Variants in DDX6 observed in about 807,000 individuals in gnomAD.
DDX6 encodes the protein DEAD-box helicase 6.
A neutral mutation model predicts 60.6 loss-of-function variants in DDX6; 7 were observed. The observed-to-expected ratio is 0.12, with a 90% CI of 0.07 to 0.22. DDX6 has a LOEUF of 0.22. Ranked by LOEUF, DDX6 falls within the 10% of genes least tolerant of loss-of-function variation. The probability of loss-of-function intolerance (pLI) is 1.00; values close to 1 mark genes in which losing one functional copy is unlikely to be tolerated. For missense variants in DDX6, 270 were observed against 589.9 expected (o/e 0.46, Z 5.62); for synonymous variants, 207 against 201.0 (o/e 1.03, Z -0.25).
chr11:118,757,748 G>A (rs1186564843), intron 9 of DDX6, among the ~76,000 whole-genome samples: 2 of 152,008 alleles, frequency 1.3e-5, no homozygotes, highest in African/African-American at 4.8e-5. Context: ...CCACCACAAT[G>A]CCTGGCTAAC....
At chr11:118,775,223 C>T (rs376583797) in intron 4 of DDX6, among the ~76,000 whole-genome samples, 24 of 151,964 alleles carry the variant, frequency 1.6e-4, no homozygotes, top group African/African-American at 4.8e-4. Context: ...GGCCGAGGCA[C>T]GAGAATCGCT....
chr11:118,770,845 G>A lies in DDX6; in HGVS notation c.370-2493C>T, dbSNP rs897069400. 6.8e-5 allele frequency among the ~76,000 whole-genome samples: 10 copies of A among 147,890 alleles called. No homozygotes were observed. The Admixed American group carries it at 6.8e-4, about 10-fold the overall frequency. On this transcript the variant is annotated intron_variant, in intron 4 of 13. Coordinates refer to ENST00000534980, the MANE Select transcript of DDX6 (RefSeq NM_004397.6). ...TGCAGTGGGCCAAGATTGCGCCACT[G>A]CACTCCAGCCTGGGCAATGGAGCAA...
chr11:118,785,939 C>T (rs980145383), intron 2 of DDX6, 113 bp downstream of exon 2: 5 of 957,630 alleles, frequency 5.2e-6, no homozygotes, highest in African/African-American at 5.0e-5. Context: ...CATCTGTCCT[C>T]TATTTGGAAT....
chr11:118,773,362 G>A (rs1861598105), intron 4 of DDX6, among the ~76,000 whole-genome samples: 1 of 152,154 alleles, frequency 6.6e-6, no homozygotes, highest in Non-Finnish European at 1.5e-5. Context: ...GAGGTCAGGA[G>A]ATGGAGACCA....
Position 118,759,989 on chromosome 11 carries a change from G to A in DDX6, c.797C>T (p.Thr266Met), listed in dbSNP as rs781902489. Reference protein sequence around the residue: ...FVQIMEDIILTLPKNRQILLY... With the variant: ...FVQIMEDIILMLPKNRQILLY... Reference sequence around the variant, plus strand: ...TAAAATCTGCCTGTTTTTAGGTAGCGTGAGAATAATATCCTCCATTATCTG... The same window carrying A: ...TAAAATCTGCCTGTTTTTAGGTAGCATGAGAATAATATCCTCCATTATCTG... Residue 266 changes from threonine (T) to methionine (M), a missense_variant, in exon 8 of 14, where the codon ACG becomes ATG. By Grantham distance (81) the Thr-to-Met change is moderately conservative. This residue lies in a region of DDX6 where 69 missense variants were observed against 208.2 expected (regional missense o/e 0.33). Coordinates refer to ENST00000534980, the MANE Select transcript of DDX6 (RefSeq NM_004397.6). 1.2e-5 allele frequency: 20 copies of A among 1,613,430 alleles called. No individual in the cohort carries two copies. The highest frequency in any genetic ancestry group is 4.5e-5 in the East Asian group (2 of 44,840).
intron 5 of DDX6, 61 bp from the exon 6 acceptor site, chr11:118,765,416 C>T: frequency 1.9e-6 from 3 of 1,549,370 alleles, no homozygotes; most frequent in South Asian, 2.2e-5. Context: ...ACATGCTATA[C>T]ATCATTATTT....
Position 118,765,258 on chromosome 11 carries a change from G to T in DDX6, c.597C>A (p.Thr199=). 2 of 1,612,866 alleles carry T rather than the reference G, an allele frequency of 1.2e-6. No individual in the cohort carries two copies. Among genetic ancestry groups the T allele is most frequent in the Non-Finnish European group, 1.7e-6 (2 of 1,179,864 alleles). Residue 199 remains threonine, a synonymous_variant, in exon 6 of 14, where the codon ACC becomes ACA. Coordinates refer to ENST00000534980, the MANE Select transcript of DDX6 (RefSeq NM_004397.6). ...KHMGGAKVMA[T]TGGTNLRDDI... ...CATCTCGTAAATTGGTTCCTCCTGT[G>T]GTTGCCATCACTTTGGCCCCTCCCA... is the stretch of plus-strand genomic sequence containing the variant.
At chr11:118,781,436 T>C (rs549778031) in intron 2 of DDX6, among the ~76,000 whole-genome samples, 7 of 152,240 alleles carry the variant, frequency 4.6e-5, no homozygotes, top group African/African-American at 1.7e-4. Context: ...GTGTAACTGT[T>C]GTCAAAAGGT....
At chr11:118,780,089 G>C (rs546299237) in intron 3 of DDX6, among the ~76,000 whole-genome samples, 290 of 138,198 alleles carry the variant, frequency 2.1e-3, no homozygotes, top group African/African-American at 7.5e-3. Flanking sequence ...TGCACAGCCT[G>C]GGGGGACAGA....
At chr11:118,782,962 G>A (rs960678951) in intron 2 of DDX6, among the ~76,000 whole-genome samples, 1 of 152,142 alleles carries the variant, frequency 6.6e-6, no homozygotes, top group Non-Finnish European at 1.5e-5. Flanking sequence ...CTGTATCATC[G>A]AAGTTTCTGA....
chr11:118,788,249 G>C (rs915909072), intron 1 of DDX6: 5 of 152,336 alleles, frequency 3.3e-5, no homozygotes, highest in African/African-American at 4.8e-5. Flanking sequence ...GCTGCAGTGA[G>C]TCCAGATCAT....
chr11:118,755,071 C>T (rs1233330244), intron 12 of DDX6, among the ~76,000 whole-genome samples, 184 bp from the exon 13 acceptor site: 1 of 152,044 alleles, frequency 6.6e-6, no homozygotes, highest in Admixed American at 6.6e-5. Flanking sequence ...GTTTCGCAGC[C>T]CAAAATAGTA....
intron 13 of DDX6, chr11:118,754,496 C>CG (rs1860895570): frequency 2.2e-6 from 1 of 464,268 alleles, no homozygotes; most frequent in Non-Finnish European, 3.8e-6. Context: ...CCACATTACC[C>CG]GGGAAGCTGC....
intron 2 of DDX6, among the ~76,000 whole-genome samples, chr11:118,784,457 G>A (rs1280638678): frequency 6.6e-6 from 1 of 151,476 alleles, no homozygotes; most frequent in Admixed American, 6.6e-5. Context: ...ATTTTATATG[G>A]CAAGTTTTTT....
Position 118,750,088 on chromosome 11 carries a change from CA to C in DDX6, c.*2016del, listed in dbSNP as rs1565555430. The C allele has an allele frequency of 1.3e-5, 2 of 152,450 alleles. No individual in the cohort carries two copies. The highest frequency in any genetic ancestry group is 1.5e-5 in the Non-Finnish European group (1 of 68,018). 9.4% of individuals were successfully genotyped at this position (152,450 alleles called of 1,614,324 possible). A position where few individuals can be genotyped will look rare whatever the true frequency, so the allele number is the denominator to read the frequency against. On this transcript the variant is annotated 3_prime_UTR_variant, in exon 14 of 14. Coordinates refer to ENST00000534980, the MANE Select transcript of DDX6 (RefSeq NM_004397.6). ...ACTTCAAGTAATTGATTCCTTTGTC[CA>C]AAAGAGTTAAAACATTAAAGTATAT...
At chr11:118,755,118 C>A (rs549915159) in intron 12 of DDX6, among the ~76,000 whole-genome samples, 81 of 152,260 alleles carry the variant, frequency 5.3e-4, no homozygotes, top group African/African-American at 1.9e-3. Context: ...AAATGGCAGT[C>A]AAAACTGCCA....
At chr11:118,754,627 A>C in intron 13 of DDX6, 78 bp downstream of exon 13, 1 of 1,351,046 alleles carries the variant, frequency 7.4e-7, no homozygotes, top group Non-Finnish European at 1.0e-6. Context: ...ATGGTGTGAC[A>C]TCAAATTTCC....
intron 4 of DDX6, among the ~76,000 whole-genome samples, chr11:118,772,166 C>T (rs1023629192): frequency 1.3e-5 from 2 of 152,162 alleles, no homozygotes; most frequent in African/African-American, 4.8e-5. Flanking sequence ...AGACGGATGA[C>T]AGTTGAGATC....
chr11:118,765,507 G>A (rs548382644), intron 5 of DDX6, among the ~76,000 whole-genome samples, 152 bp from the exon 6 acceptor site: 5 of 152,274 alleles, frequency 3.3e-5, no homozygotes, highest in African/African-American at 1.2e-4. Flanking sequence ...TGATGCAGTG[G>A]CTCACGCCTG....
Sources: gnomAD v4.1 joint callset for allele counts (sites outside exome capture counted in the v4.1 genomes callset) on GRCh38, gnomAD v4.1.1 for gene constraint, gnomAD v4.1.1 regional missense constraint, MANE v1.5 for transcripts, NCBI Gene and HGNC (gene_info 2026-07-23, HGNC 2026-07-21) for gene names.